TNIK: variants seen among roughly 807,000 people sequenced by gnomAD.
The protein encoded by TNIK is TRAF2 and NCK-interacting protein kinase.
In TNIK, 49 loss-of-function variants were observed where a neutral mutation model predicts 191.3. The ratio of observed to expected loss-of-function variants is 0.26; its 90% CI spans 0.20 to 0.32. The LOEUF is 0.32. Ranked by LOEUF, TNIK falls within the 10% of genes least tolerant of loss-of-function variation. The pLI, the probability that TNIK is intolerant of heterozygous loss-of-function variation, is 1.00. For missense variants in TNIK, 1,155 were observed against 1,702.3 expected (o/e 0.68, Z 5.66); for synonymous variants, 594 against 600.9 (o/e 0.99, Z 0.17).
chr3:171,342,596 A>G (rs949354622), intron 2 of TNIK, among the ~76,000 whole-genome samples: 1 of 152,238 alleles, frequency 6.6e-6, no homozygotes, highest in African/African-American at 2.4e-5. Context: ...AGCTGGAAAA[A>G]TTTGAGCAAC....
intron 2 of TNIK, among the ~76,000 whole-genome samples, chr3:171,329,276 T>A (rs538098861): frequency 6.6e-6 from 1 of 152,192 alleles, no homozygotes; most frequent in African/African-American, 2.4e-5. Flanking sequence ...TTTAATACCA[T>A]GGTAAGTATT....
chr3:171,425,798 A>G (rs2108644135), intron 1 of TNIK, among the ~76,000 whole-genome samples: 1 of 149,774 alleles, frequency 6.7e-6, no homozygotes, highest in South Asian at 2.2e-4. Flanking sequence ...ACTGTACTAC[A>G]GCCTGGGTGA....
chr3:171,279,258 A>C (rs1037758528), intron 2 of TNIK, among the ~76,000 whole-genome samples: 1 of 152,168 alleles, frequency 6.6e-6, no homozygotes, highest in African/African-American at 2.4e-5. Context: ...TTTTAATGAG[A>C]TCCTCCTATA....
chr3:171,215,174 C>T (rs766923893), intron 3 of TNIK, among the ~76,000 whole-genome samples: 30 of 152,132 alleles, frequency 2.0e-4, no homozygotes, highest in Non-Finnish European at 3.7e-4. Context: ...TGTGAGAAAC[C>T]GGGATTGACC....
chr3:171,362,005 C>A (rs532001802), intron 2 of TNIK, among the ~76,000 whole-genome samples: 7 of 152,152 alleles, frequency 4.6e-5, no homozygotes, highest in Non-Finnish European at 8.8e-5. Context: ...AAATGAGGTT[C>A]TTGCTGCTCC....
At chr3:171,208,691 G>A (rs1298296544) in intron 4 of TNIK, among the ~76,000 whole-genome samples, 1 of 151,974 alleles carries the variant, frequency 6.6e-6, no homozygotes, top group Non-Finnish European at 1.5e-5. Context: ...TGGAGTAGCT[G>A]GAATTACAGG....
chr3:171,362,978 C>A (rs1715194453), intron 2 of TNIK, among the ~76,000 whole-genome samples: 1 of 152,202 alleles, frequency 6.6e-6, no homozygotes, highest in Non-Finnish European at 1.5e-5. Context: ...AAATAGTCTA[C>A]ACTCTCACCA....
chr3:171,108,374 TAAAAA>T (rs372751977), intron 19 of TNIK, among the ~76,000 whole-genome samples: 2 of 148,942 alleles, frequency 1.3e-5, no homozygotes, highest in Non-Finnish European at 3.0e-5. Context: ...TAGTAACAAT[TAAAAA>T]AAAAAGAAAT....
At chr3:171,199,989 G>A (rs550875709) in intron 4 of TNIK, among the ~76,000 whole-genome samples, 56 of 152,138 alleles carry the variant, frequency 3.7e-4, no homozygotes, top group Non-Finnish European at 6.2e-4. Flanking sequence ...TTTGTAAAAG[G>A]CACTGGGCAC....
intron 2 of TNIK, among the ~76,000 whole-genome samples, chr3:171,359,857 G>A (rs1374165462): frequency 6.6e-6 from 1 of 152,146 alleles, no homozygotes; most frequent in African/African-American, 2.4e-5. Context: ...TTCTGTGCCT[G>A]TAATCCTGGC....
At chr3:171,440,467 T>G (rs1003188958) in intron 1 of TNIK, among the ~76,000 whole-genome samples, 4 of 152,136 alleles carry the variant, frequency 2.6e-5, no homozygotes, top group Non-Finnish European at 4.4e-5. Flanking sequence ...TTCCCCAACT[T>G]TGTGGGAACA....
At chr3:171,219,464 A>G (rs1742012412) in intron 3 of TNIK, among the ~76,000 whole-genome samples, 1 of 151,220 alleles carries the variant, frequency 6.6e-6, no homozygotes, top group Admixed American at 6.6e-5. Flanking sequence ...CAAGCTCTGC[A>G]TGGGGTGCAA....
Position 171,111,809 on chromosome 3 carries a change from C to A in TNIK, c.2121-932G>T, listed in dbSNP as rs1175402102. Among the ~76,000 whole-genome samples, 6 of 152,142 alleles carry A rather than the reference C, an allele frequency of 3.9e-5. No homozygotes were observed. The South Asian group carries it at 6.2e-4, about 16-fold the overall frequency. On this transcript the variant is annotated intron_variant, in intron 18 of 32. Coordinates refer to ENST00000436636, the MANE Select transcript of TNIK (RefSeq NM_015028.4). ...AATGGATAAAGAAAATGTGATATAT[C>A]TCTCTCTCAAAAAGACAAATACTAC...
At chr3:171,385,912 T>C (rs577430446) in intron 1 of TNIK, among the ~76,000 whole-genome samples, 6 of 152,160 alleles carry the variant, frequency 3.9e-5, no homozygotes, top group Non-Finnish European at 8.8e-5. Context: ...CGATAAAGAA[T>C]ATAAGCCAGT....
chr3:171,246,404 G>GA (rs1470738506), intron 2 of TNIK, among the ~76,000 whole-genome samples: 1 of 152,138 alleles, frequency 6.6e-6, no homozygotes, highest in East Asian at 1.9e-4. Flanking sequence ...GCTGGTAAAT[G>GA]AAAAATTATT....
intron 2 of TNIK, among the ~76,000 whole-genome samples, chr3:171,232,276 G>A (rs1743748653): frequency 6.6e-6 from 1 of 151,940 alleles, no homozygotes; most frequent in African/African-American, 2.4e-5. Context: ...CTTGACTCCA[G>A]GAGTTCGAGG....
chr3:171,254,432 T>C (rs752196542), intron 2 of TNIK, among the ~76,000 whole-genome samples: 1 of 152,212 alleles, frequency 6.6e-6, no homozygotes, highest in African/African-American at 2.4e-5. Flanking sequence ...TAATATTTGC[T>C]CACCCTTCCC....
At chr3:171,212,104 C>T (rs1477475380) in intron 3 of TNIK, among the ~76,000 whole-genome samples, 1 of 152,164 alleles carries the variant, frequency 6.6e-6, no homozygotes, top group African/African-American at 2.4e-5. Context: ...CAGCAGTAAG[C>T]TATGACTGTC....
At chr3:171,402,436 G>C (rs1236023397) in intron 1 of TNIK, among the ~76,000 whole-genome samples, 1 of 152,216 alleles carries the variant, frequency 6.6e-6, no homozygotes, top group Non-Finnish European at 1.5e-5. Flanking sequence ...CACAATGCTA[G>C]TTGTGGGTCT....
Sources: gnomAD v4.1 joint callset for allele counts (sites outside exome capture counted in the v4.1 genomes callset) on GRCh38, gnomAD v4.1.1 for gene constraint, MANE v1.5 for transcripts, NCBI Gene and HGNC (gene_info 2026-07-23, HGNC 2026-07-21) for gene names.